PNMA3: variants seen among roughly 807,000 people sequenced by gnomAD.
PNMA3 encodes paraneoplastic antigen Ma3.
A neutral mutation model predicts 25.1 loss-of-function variants in PNMA3; 10 were observed. The ratio of observed to expected loss-of-function variants is 0.40; its 90% CI spans 0.25 to 0.68. The LOEUF is 0.68. Among genes scored for constraint, PNMA3 ranks in the 30% least tolerant of loss-of-function variants. PNMA3 has a pLI of 0.40. For missense variants in PNMA3, 317 were observed against 372.1 expected (o/e 0.85, Z 1.22); for synonymous variants, 134 against 148.7 (o/e 0.90, Z 0.72).
Position 153,057,079 on chromosome X carries a change from C to G in PNMA3, c.24C>G (p.Asp8Glu), listed in dbSNP as rs781802036. The G allele has an allele frequency of 3.3e-6, 4 of 1,209,128 alleles. No homozygotes were observed. The highest frequency in any genetic ancestry group is 4.5e-6 in the Non-Finnish European group (4 of 894,781). ...ACATGCCGTTGACCTTGTTACAGGA[C>G]TGGTGTCGGGGGGAACACCTGAACA... MPLTLLQ[D>E]WCRGEHLNTR... The change falls in exon 2 of 2, where the codon GAC becomes GAG. Residue 8 changes from aspartate (D) to glutamate (E), a missense_variant. Coordinates refer to ENST00000593810, the MANE Select transcript of PNMA3 (RefSeq NM_013364.6).
Position 153,057,992 on chromosome X carries a change from C to A in PNMA3, c.937C>A (p.Leu313Met). 8.2e-7 allele frequency: 1 copy of A among 1,212,396 alleles called. No individual in the cohort carries two copies. ...LPDKLRDKLK[L>M]MKQRRKPPGF... Reference sequence around the variant, plus strand: ...TGACAAACTCCGAGATAAGCTTAAGCTGATGAAACAGCGAAGGAAGCCTCC... The same window carrying A: ...TGACAAACTCCGAGATAAGCTTAAGATGATGAAACAGCGAAGGAAGCCTCC... Residue 313 changes from leucine to methionine, a missense_variant, in exon 2 of 2, where the codon CTG becomes ATG. By Grantham distance (15) the Leu-to-Met change is conservative. Transcript: ENST00000593810.
chrX:153,058,292 T>A lies in PNMA3; in HGVS notation c.1237T>A (p.Phe413Ile). 8.3e-7 allele frequency: 1 copy of A among 1,211,885 alleles called. No homozygotes were observed. Among genetic ancestry groups the A allele is most frequent in the Non-Finnish European group, 1.1e-6 (1 of 895,399 alleles). The change falls in exon 2 of 2, where the codon TTC becomes ATC. Residue 413 changes from phenylalanine (F) to isoleucine (I), a missense_variant. Coordinates refer to ENST00000593810, the MANE Select transcript of PNMA3 (RefSeq NM_013364.6). The stretch of plus-strand genomic sequence containing the variant: ...CTCAAGAAAACGGAAACGCCACACA[T>A]TCTGCTATAGCTGTGGGGAAGACGG... ...RGSRKRKRHT[F>I]CYSCGEDGHI...
Position 153,057,398 on chromosome X carries a change from C to T in PNMA3, c.343C>T (p.Arg115Trp), listed in dbSNP as rs146193731. ...RLNRFLEEER[R>W]TVSDMNRVLG... ...GAACCGCTTCTTAGAGGAGGAGAGG[C>T]GGACCGTGTCAGATATGAACCGAGT... The change falls in exon 2 of 2, where the codon CGG becomes TGG. Residue 115 changes from arginine to tryptophan, a missense_variant. Coordinates refer to ENST00000593810, the MANE Select transcript of PNMA3 (RefSeq NM_013364.6). The T allele has an allele frequency of 7.4e-6, 9 of 1,210,125 alleles. No individual in the cohort carries two copies. The highest frequency in any genetic ancestry group is 5.9e-5 in the East Asian group (2 of 33,765).
chrX:153,056,842 C>G, intron 1 of PNMA3, 108 bp from the exon 2 acceptor site: 1 of 386,945 alleles, frequency 2.6e-6, no homozygotes, highest in South Asian at 5.9e-5. Flanking sequence ...GCTGCAGAGG[C>G]GCCGCCCGGG....
intron 1 of PNMA3, 104 bp downstream of exon 1, chrX:153,056,742 C>T (rs2051142292): frequency 8.7e-6 from 2 of 230,791 alleles, no homozygotes; most frequent in Non-Finnish European, 1.5e-5. Context: ...GGCAGGGGTC[C>T]AGGGTCCTGG....
intron 1 of PNMA3, 118 bp downstream of exon 1, chrX:153,056,756 A>T: frequency 5.0e-6 from 1 of 199,319 alleles, no homozygotes. Flanking sequence ...GTCCTGGGGC[A>T]GCGCGGGGAG....
chrX:153,058,345 C>T lies in PNMA3; in HGVS notation c.1290C>T (p.Pro430=). The T allele has an allele frequency of 8.3e-7, 1 of 1,212,032 alleles. No individual in the cohort carries two copies. The highest frequency in any genetic ancestry group is 1.1e-6 in the Non-Finnish European group (1 of 895,520). ...ACATCAGGGTACAGTGCATCAACCCCTCCAACCTGCTCTTGGTAAAGCAGA... is the reference window on the plus strand; with the variant it reads ...ACATCAGGGTACAGTGCATCAACCCTTCCAACCTGCTCTTGGTAAAGCAGA... ...DGHIRVQCIN[P]SNLLLVKQKK... Residue 430 remains proline, a synonymous_variant, in exon 2 of 2, where the codon CCC becomes CCT. Transcript: ENST00000593810.
Position 153,057,946 on chromosome X carries a change from C to G in PNMA3, c.891C>G (p.Val297=). 1.6e-6 allele frequency: 2 copies of G among 1,212,599 alleles called. No individual in the cohort carries two copies. The highest frequency in any genetic ancestry group is 2.2e-6 in the Non-Finnish European group (2 of 895,691). ...RNVNQTRLKR[V]LSGATLPDKL... ...TGAATCAGACTCGCCTGAAACGAGT[C>G]TTAAGTGGGGCCACCCTTCCTGACA... Residue 297 remains valine (V), a synonymous_variant, in exon 2 of 2, where the codon GTC becomes GTG. Coordinates refer to ENST00000593810, the MANE Select transcript of PNMA3 (RefSeq NM_013364.6).
rs2301182 is a variant in PNMA3 at position 153,059,972 on chromosome X, A to G, written c.*1525A>G. 0.22 allele frequency: 27,639 copies of G among 124,159 alleles called. 2,518 individuals are homozygous for G. The highest frequency in any genetic ancestry group is 0.42 in the South Asian group (1,149 of 2,737). The allele number at this position is 124,159 out of a possible 1,213,427, so 10.2% of individuals were successfully genotyped here. On this transcript the variant is annotated 3_prime_UTR_variant, in exon 2 of 2. Coordinates refer to ENST00000593810, the MANE Select transcript of PNMA3 (RefSeq NM_013364.6). Reference sequence around the variant, plus strand: ...CCCTGTGACCACGATGGTGACCGTGACTGTGGGAGGAAGAACTGGACCCAG... The same window carrying G: ...CCCTGTGACCACGATGGTGACCGTGGCTGTGGGAGGAAGAACTGGACCCAG...
rs1288555811 is a variant in PNMA3 at position 153,058,881 on chromosome X, G to A, written c.*434G>A. 6.6e-6 allele frequency: 2 copies of A among 303,247 alleles called. No homozygotes were observed. Among genetic ancestry groups the A allele is most frequent in the South Asian group, 7.0e-5 (1 of 14,267 alleles). 25.0% of individuals were successfully genotyped at this position (303,247 alleles called of 1,213,427 possible). On this transcript the variant is annotated 3_prime_UTR_variant, in exon 2 of 2. Transcript: ENST00000593810. ...CCCAGGCCACATGGGACCTGGAGGA[G>A]CCTACCTGGGGCCTGCCCCTGCCAG...
In PNMA3 at chrX:153,058,236, G is replaced by C. The variant is rs1556932423; in HGVS notation, c.1181G>C (p.Arg394Thr). 5.8e-6 allele frequency: 7 copies of C among 1,212,279 alleles called. No individual in the cohort carries two copies. The highest frequency in any genetic ancestry group is 7.8e-6 in the Non-Finnish European group (7 of 895,568). Residue 394 changes from arginine to threonine, a missense_variant, in exon 2 of 2, where the codon AGG becomes ACG. Coordinates refer to ENST00000593810, the MANE Select transcript of PNMA3 (RefSeq NM_013364.6). ...CGGAGGGGCAGAGGCCAACACCGAA[G>C]GGGTGGTGTGGCAAGGGCTGGCTCT... ...RRRRGRGQHR[R>T]GGVARAGSRG... is the part of the protein sequence containing the mutation.
Position 153,059,095 on chromosome X carries a change from G to T in PNMA3, c.*648G>T, listed in dbSNP as rs782337440. On this transcript the variant is annotated 3_prime_UTR_variant, in exon 2 of 2. Coordinates refer to ENST00000593810, the MANE Select transcript of PNMA3 (RefSeq NM_013364.6). ...GGCCCCGGGAGCCCAGTGCCAGCCA[G>T]AGGTTGTGCAGGCAAGGAGACCAAA... 7.8e-6 allele frequency: 1 copy of T among 128,257 alleles called. No individual in the cohort carries two copies. Among genetic ancestry groups the T allele is most frequent in the South Asian group, 3.5e-4 (1 of 2,867 alleles). 10.6% of individuals were successfully genotyped at this position (128,257 alleles called of 1,213,427 possible). A position where few individuals can be genotyped will look rare whatever the true frequency, so the allele number is the denominator to read the frequency against.
Position 153,057,662 on chromosome X carries a change from C to T in PNMA3, c.607C>T (p.Arg203Trp), listed in dbSNP as rs1432268280. Residue 203 changes from arginine (R) to tryptophan (W), a missense_variant, in exon 2 of 2, where the codon CGG (arginine) becomes TGG (tryptophan). Physicochemically the swap from Arg to Trp is moderately radical, Grantham distance 101. Coordinates refer to ENST00000593810, the MANE Select transcript of PNMA3 (RefSeq NM_013364.6). ...GCAGGTGCCCGAGGGGGAAAAGAGG[C>T]GGAGGCTGATGGAATGCTTACGGGG... Reference protein sequence around the residue: ...MWQVPEGEKRRRLMECLRGPA... With the variant: ...MWQVPEGEKRWRLMECLRGPA... 5 of 1,211,294 alleles carry T rather than the reference C, an allele frequency of 4.1e-6. No homozygotes were observed. Among genetic ancestry groups the T allele is most frequent in the East Asian group, 3.0e-5 (1 of 33,841 alleles).
Position 153,058,259 on chromosome X carries a change from T to C in PNMA3, c.1204T>C (p.Ser402Pro), listed in dbSNP as rs1556932433. ...AAGGGGTGGTGTGGCAAGGGCTGGCTCTCGAGGCTCAAGAAAACGGAAACG... is the reference window on the plus strand; with the variant it reads ...AAGGGGTGGTGTGGCAAGGGCTGGCCCTCGAGGCTCAAGAAAACGGAAACG... ...HRRGGVARAG[S>P]RGSRKRKRHT... Residue 402 changes from serine (S) to proline (P), a missense_variant, in exon 2 of 2, where the codon TCT becomes CCT. Physicochemically the swap from Ser to Pro is moderately conservative, Grantham distance 74 (BLOSUM62 -1). Coordinates refer to ENST00000593810, the MANE Select transcript of PNMA3 (RefSeq NM_013364.6). 8.3e-7 allele frequency: 1 copy of C among 1,211,887 alleles called. No homozygotes were observed. The highest frequency in any genetic ancestry group is 1.1e-6 in the Non-Finnish European group (1 of 895,484).
Position 153,057,390 on chromosome X carries a change from A to C in PNMA3, c.335A>C (p.Glu112Ala), listed in dbSNP as rs781914179. 8.3e-7 allele frequency: 1 copy of C among 1,211,721 alleles called. No individual in the cohort carries two copies. The highest frequency in any genetic ancestry group is 1.1e-6 in the Non-Finnish European group (1 of 895,439). The change falls in exon 2 of 2, where the codon GAG (glutamate) becomes GCG (alanine). Residue 112 changes from glutamate to alanine, a missense_variant. By Grantham distance (107) the Glu-to-Ala change is moderately radical. Coordinates refer to ENST00000593810, the MANE Select transcript of PNMA3 (RefSeq NM_013364.6). ...FLNRLNRFLE[E>A]ERRTVSDMNR... The stretch of plus-strand genomic sequence containing the variant: ...AACAGACTGAACCGCTTCTTAGAGG[A>C]GGAGAGGCGGACCGTGTCAGATATG...
intron 1 of PNMA3, 50 bp from the exon 2 acceptor site, chrX:153,056,900 G>C (rs1556931983): frequency 5.6e-6 from 4 of 717,101 alleles, no homozygotes; most frequent in Middle Eastern, 5.0e-4. Flanking sequence ...GGATGTGGGC[G>C]TGCGGAGAGG....
In PNMA3 at chrX:153,057,621, A is replaced by C; in HGVS notation, c.566A>C (p.Glu189Ala). The C allele has an allele frequency of 8.3e-7, 1 of 1,211,264 alleles. No homozygotes were observed. Among genetic ancestry groups the C allele is most frequent in the Non-Finnish European group, 1.1e-6 (1 of 895,319 alleles). Residue 189 changes from glutamate to alanine, a missense_variant, in exon 2 of 2, where the codon GAG (glutamate) becomes GCG (alanine). Glu to Ala is a moderately radical substitution (Grantham distance 107). Coordinates refer to ENST00000593810, the MANE Select transcript of PNMA3 (RefSeq NM_013364.6). ...GATGCCTGGCTTGAGCACACCACTGAGATGCTACAGATGTGGCAGGTGCCC... is the reference window on the plus strand; with the variant it reads ...GATGCCTGGCTTGAGCACACCACTGCGATGCTACAGATGTGGCAGGTGCCC... ...AFDAWLEHTT[E>A]MLQMWQVPEG...
In PNMA3 at chrX:153,058,451, C is replaced by T. The variant is rs781794326; in HGVS notation, c.*4C>T. On this transcript the variant is annotated 3_prime_UTR_variant, in exon 2 of 2. Transcript: ENST00000593810. ...TCCCAAGTCCAAGGCCAAGTAGGCT[C>T]GGGAGAACAGGGCAACATTTCCTAC... 3.3e-5 allele frequency: 40 copies of T among 1,210,167 alleles called. No homozygotes were observed. Among genetic ancestry groups the T allele is most frequent in the South Asian group, 3.5e-5 (2 of 56,800 alleles).
In PNMA3 at chrX:153,057,518, C is replaced by T. The variant is rs2051151816; in HGVS notation, c.463C>T (p.Leu155=). 1 of 1,211,790 alleles carries T rather than the reference C, an allele frequency of 8.3e-7. No individual in the cohort carries two copies. Among genetic ancestry groups the T allele is most frequent in the Non-Finnish European group, 1.1e-6 (1 of 895,572 alleles). Residue 155 remains leucine (L), a synonymous_variant, in exon 2 of 2, where the codon CTG becomes TTG. Coordinates refer to ENST00000593810, the MANE Select transcript of PNMA3 (RefSeq NM_013364.6). ...AQTLGAAVQP[L]LEQMLYRELR... ...GACTCTGGGGGCAGCAGTGCAGCCT[C>T]TGCTAGAACAAATGTTGTACCGAGA...
Sources: gnomAD v4.1 joint callset for allele counts on GRCh38, gnomAD v4.1.1 for gene constraint, MANE v1.5 for transcripts, NCBI Gene and HGNC (gene_info 2026-07-23, HGNC 2026-07-21) for gene names.